Variants in ZNF337 observed in about 807,000 individuals in gnomAD.
ZNF337 encodes the protein zinc finger protein 337.
In ZNF337, 8 loss-of-function variants were observed where a neutral mutation model predicts 12.1. The ratio of observed to expected loss-of-function variants is 0.66; its 90% confidence interval spans 0.39 to 1.19. The LOEUF is 1.19. Among genes scored for constraint, ZNF337 ranks in the 50% most tolerant of loss-of-function variants. ZNF337 has a pLI of 0.01. For missense variants in ZNF337, 882 were observed against 896.6 expected (o/e 0.98, Z 0.21); for synonymous variants, 336 against 320.0 (o/e 1.05, Z -0.53).
rs1456242813 is a variant in ZNF337, at chr20:25,675,927, T to G, written c.1361A>C (p.His454Pro). ...GCACACAAAAGGCTTCTCCTCTGAG[T>G]GTGTGATCTGATGTTTCACAAGGGT... is the stretch of plus-strand genomic sequence containing the variant. ...KSTLVKHQIT[H>P]SEEKPFVCKD... Residue 454 changes from histidine to proline, a missense_variant, in exon 5 of 5, where the codon CAC becomes CCC. Coordinates refer to ENST00000252979, the MANE Select transcript of ZNF337 (RefSeq NM_015655.4). The G allele has an allele frequency of 6.2e-7, 1 of 1,613,782 alleles. No homozygotes were observed. Among genetic ancestry groups the G allele is most frequent in the East Asian group, 2.2e-5 (1 of 44,856 alleles).
In ZNF337 at chr20:25,675,697, G is replaced by A; in HGVS notation, c.1591C>T (p.Leu531Phe). 4 of 1,613,902 alleles carry A rather than the reference G, an allele frequency of 2.5e-6. No individual in the cohort carries two copies. Among genetic ancestry groups the A allele is most frequent in the Non-Finnish European group, 3.4e-6 (4 of 1,179,970 alleles). Reference protein sequence around the residue: ...CGRGFTLKPNLTIHQRTHSGE... With the variant: ...CGRGFTLKPNFTIHQRTHSGE... ...GAGTGTGTCCTCTGATGTATGGTGAGATTTGGCTTCAAGGTAAAGCCTCGC... is the reference window on the plus strand; with the variant it reads ...GAGTGTGTCCTCTGATGTATGGTGAAATTTGGCTTCAAGGTAAAGCCTCGC... The change falls in exon 5 of 5, where the codon CTC (leucine) becomes TTC (phenylalanine). Residue 531 changes from leucine (L) to phenylalanine (F), a missense_variant. Physicochemically the swap from Leu to Phe is conservative, Grantham distance 22. Coordinates refer to ENST00000252979, the MANE Select transcript of ZNF337 (RefSeq NM_015655.4).
chr20:25,693,690 G>A (rs932527681), intron 1 of ZNF337, among the ~76,000 whole-genome samples: 1 of 152,226 alleles, frequency 6.6e-6, no homozygotes, highest in African/African-American at 2.4e-5. Flanking sequence ...CTGAGCCTCA[G>A]ATGGGACAGT....
intron 4 of ZNF337, among the ~76,000 whole-genome samples, chr20:25,681,859 G>A (rs533732696): frequency 2.0e-5 from 3 of 152,268 alleles, no homozygotes; most frequent in Non-Finnish European, 2.9e-5. Flanking sequence ...GTGTTTATGC[G>A]TAAAGGATAA....
chr20:25,693,676 G>A (rs1030218282), intron 1 of ZNF337, among the ~76,000 whole-genome samples: 1 of 152,312 alleles, frequency 6.6e-6, no homozygotes. Flanking sequence ...CCGGCTGAGA[G>A]GTTCTGAGCC....
intron 4 of ZNF337, among the ~76,000 whole-genome samples, chr20:25,684,170 A>G (rs1397455330): frequency 1.6e-5 from 2 of 127,556 alleles, no homozygotes; most frequent in Non-Finnish European, 3.1e-5. Flanking sequence ...ACATGGACAC[A>G]GGAAGGGGAA....
chr20:25,685,508 C>G, intron 4 of ZNF337, 59 bp downstream of exon 4: 2 of 1,461,208 alleles, frequency 1.4e-6, no homozygotes, highest in Admixed American at 1.8e-5. Context: ...TCAGAGAAGC[C>G]TCCTCCCTCC....
Position 25,673,609 on chromosome 20 carries a change from A to G in ZNF337, c.*1423T>C, listed in dbSNP as rs1415390764. Among the ~76,000 whole-genome samples the G allele has an allele frequency of 1.3e-5, 2 of 152,210 alleles. No individual in the cohort carries two copies. Among genetic ancestry groups the G allele is most frequent in the East Asian group, 3.8e-4 (2 of 5,196 alleles). ...AGGGTCTGACCTCTACAAAATAGACATGCATTGGCTGAGCATTCCAACATC... is the reference window on the plus strand; with the variant it reads ...AGGGTCTGACCTCTACAAAATAGACGTGCATTGGCTGAGCATTCCAACATC... On this transcript the variant is annotated 3_prime_UTR_variant, in exon 5 of 5. Transcript: ENST00000252979.
At chr20:25,689,521 A>G (rs2065866666) in intron 1 of ZNF337, among the ~76,000 whole-genome samples, 1 of 152,184 alleles carries the variant, frequency 6.6e-6, no homozygotes, top group Non-Finnish European at 1.5e-5. Context: ...AATGTTCTGT[A>G]TCTTGATTGA....
chr20:25,681,568 C>A (rs2065768515), intron 4 of ZNF337, among the ~76,000 whole-genome samples: 1 of 152,128 alleles, frequency 6.6e-6, no homozygotes, highest in Non-Finnish European at 1.5e-5. Flanking sequence ...ATTCCACTTA[C>A]ATGAAGTTCT....
In ZNF337 at chr20:25,676,470, T is replaced by C. The variant is rs140839485; in HGVS notation, c.818A>G (p.Tyr273Cys). The C allele has an allele frequency of 6.3e-4, 1,017 of 1,611,426 alleles. 2 individuals carry two copies. The highest frequency in any genetic ancestry group is 7.9e-4 in the Non-Finnish European group (926 of 1,179,118). The change falls in exon 5 of 5, where the codon TAT (tyrosine) becomes TGT (cysteine). Residue 273 changes from tyrosine to cysteine, a missense_variant. Physicochemically the swap from Tyr to Cys is radical, Grantham distance 194. Transcript: ENST00000252979. ...CACAGTGAGGTATGACTTACTGGTA[T>C]AGCCTCGTCCACACACCTTGCACAG... ...PFLCKVCGRG[Y>C]TSKSYLTVHE...
chr20:25,687,586 T>C (rs1600447613), intron 1 of ZNF337, among the ~76,000 whole-genome samples: 1 of 152,262 alleles, frequency 6.6e-6, no homozygotes, highest in East Asian at 1.9e-4. Flanking sequence ...TATGGTGTTA[T>C]GAAAAGAAAA....
intron 3 of ZNF337, 145 bp downstream of exon 3, chr20:25,685,851 A>G: frequency 7.6e-7 from 1 of 1,317,156 alleles, no homozygotes; most frequent in East Asian, 2.3e-5. Flanking sequence ...GCAGGTGCCC[A>G]GTGGCAGTCA....
Position 25,686,288 on chromosome 20 carries a change from C to T in ZNF337, c.27+103G>A, listed in dbSNP as rs910408566. ...GGAAAGACAGATCACTCCCCAGGAG[C>T]GGTGCTGGCCTTGGTCCTGTGCTAA... On this transcript the variant is annotated intron_variant, in intron 2 of 4. Coordinates refer to ENST00000252979, the MANE Select transcript of ZNF337 (RefSeq NM_015655.4). The T allele has an allele frequency of 1.9e-5, 28 of 1,450,776 alleles. No individual in the cohort carries two copies. The Admixed American group carries it at 2.5e-4, about 13-fold the overall frequency. 89.9% of individuals were successfully genotyped at this position (1,450,776 alleles called of 1,614,324 possible).
intron 1 of ZNF337, chr20:25,686,680 C>T (rs1029982177): frequency 7.3e-6 from 4 of 545,942 alleles, no homozygotes; most frequent in African/African-American, 1.9e-5. Flanking sequence ...AGCTGGGTGA[C>T]GTTTGTTGCT....
intron 1 of ZNF337, among the ~76,000 whole-genome samples, chr20:25,695,750 T>C (rs1233414480): frequency 1.3e-5 from 2 of 152,142 alleles, no homozygotes; most frequent in African/African-American, 4.8e-5. Context: ...AGGGTCTTGC[T>C]GTGCTGCCCA....
At position 25,676,031 on chromosome 20, in the gene ZNF337, A is replaced by G; in HGVS notation, c.1257T>C (p.Leu419=). ...CTGAGTGTGTTCTCTGGTGGTAGAC[A>G]AGAGTTGACTTTTGGCTAAAGCTTC... ...CERSFSQKST[L]VYHQRTHSGE... Residue 419 remains leucine, a synonymous_variant, in exon 5 of 5, where the codon CTT becomes CTC. Coordinates refer to ENST00000252979, the MANE Select transcript of ZNF337 (RefSeq NM_015655.4). 1 of 1,613,974 alleles carries G rather than the reference A, an allele frequency of 6.2e-7. No homozygotes were observed. The highest frequency in any genetic ancestry group is 8.5e-7 in the Non-Finnish European group (1 of 1,179,970).
At chr20:25,694,388 C>T (rs1305605386) in intron 1 of ZNF337, among the ~76,000 whole-genome samples, 2 of 152,166 alleles carry the variant, frequency 1.3e-5, no homozygotes, top group Non-Finnish European at 2.9e-5. Flanking sequence ...CTCAATGAAT[C>T]TGCACAGATT....
At chr20:25,686,270 C>T in intron 2 of ZNF337, 121 bp downstream of exon 2, 1 of 1,470,430 alleles carries the variant, frequency 6.8e-7, no homozygotes. Flanking sequence ...CCAGGAAAGA[C>T]AGATCACTCC....
chr20:25,682,409 A>T (rs2065778273), intron 4 of ZNF337, among the ~76,000 whole-genome samples: 1 of 152,236 alleles, frequency 6.6e-6, no homozygotes, highest in Admixed American at 6.5e-5. Flanking sequence ...TACAAAACTT[A>T]GTAGATATGG....
Sources: gnomAD v4.1 joint callset for allele counts (sites outside exome capture counted in the v4.1 genomes callset) on GRCh38, gnomAD v4.1.1 for gene constraint, MANE v1.5 for transcripts, NCBI Gene and HGNC (gene_info 2026-07-23, HGNC 2026-07-21) for gene names.